The following TBC1D8 variants were observed in gnomAD, a reference collection of about 807,000 sequenced individuals.
TBC1D8 encodes the protein BUB2-like protein 1.
TBC1D8 carries 65 observed loss-of-function variants against 118.8 expected under a neutral mutation model. The observed-to-expected ratio is 0.55, with a 90% confidence interval of 0.45 to 0.67. The LOEUF (loss-of-function observed/expected upper bound fraction) is 0.67. TBC1D8 is among the 30% of genes least tolerant of loss of function. The pLI is 0.00. For missense variants in TBC1D8, 1,376 were observed against 1,471.2 expected (o/e 0.94, Z 1.06); for synonymous variants, 566 against 595.8 (o/e 0.95, Z 0.73).
chr2:101,100,983 TGAGCACA>T (rs1339898497), intron 1 of TBC1D8, among the ~76,000 whole-genome samples: 3 of 152,158 alleles, frequency 2.0e-5, no homozygotes, highest in Non-Finnish European at 2.9e-5. Context: ...GACATAGACA[TGAGCACA>T]GACTTCATGA....
Position 101,123,228 on chromosome 2 carries a change from C to T in TBC1D8, c.127+27899G>A, listed in dbSNP as rs76992621. On this transcript the variant is annotated intron_variant, in intron 1 of 19. Coordinates refer to ENST00000409318, the MANE Select transcript of TBC1D8 (RefSeq NM_001330348.2). The stretch of plus-strand genomic sequence containing the variant: ...CCAGCCTGGGCAACAGTCATCGTGA[C>T]CAGCCTGGGGAGTCTTTAGGCTTTT... 1.3e-3 allele frequency among the ~76,000 whole-genome samples: 191 copies of T among 152,226 alleles called. 1 individual carries two copies. Among genetic ancestry groups the T allele is most frequent in the African/African-American group, 4.4e-3 (184 of 41,550 alleles).
intron 1 of TBC1D8, among the ~76,000 whole-genome samples, chr2:101,103,328 A>G (rs1290419080): frequency 6.6e-6 from 1 of 151,324 alleles, no homozygotes; most frequent in African/African-American, 2.4e-5. Context: ...TTAAAAAAAA[A>G]AAAACTTGGA....
rs1194198888 is a variant in TBC1D8 at position 101,022,527 on chromosome 2, A to G, written c.2521-6T>C. 1.2e-5 allele frequency: 19 copies of G among 1,588,234 alleles called. No homozygotes were observed. The highest frequency in any genetic ancestry group is 1.6e-5 in the Non-Finnish European group (19 of 1,173,762). On this transcript the variant is annotated splice_polypyrimidine_tract_variant and splice_region_variant and intron_variant, in intron 15 of 19. Coordinates refer to ENST00000409318, the MANE Select transcript of TBC1D8 (RefSeq NM_001330348.2). ...CAGCTCATCATATGTTCTCTCTTCA[A>G]ACAAGAGGGGGAAAGGGAGTTCTTA...
intron 5 of TBC1D8, among the ~76,000 whole-genome samples, chr2:101,043,796 T>G (rs1034913368): frequency 6.6e-6 from 1 of 152,004 alleles, no homozygotes; most frequent in Admixed American, 6.6e-5. Flanking sequence ...AAAAATTAAC[T>G]GGGCATGGTG....
intron 2 of TBC1D8, among the ~76,000 whole-genome samples, chr2:101,088,462 A>C (rs1431635049): frequency 6.6e-6 from 1 of 151,762 alleles, no homozygotes; most frequent in Non-Finnish European, 1.5e-5. Flanking sequence ...TAATTTTTGT[A>C]TTTTTAGTAG....
intron 2 of TBC1D8, chr2:101,068,636 G>A: frequency 1.9e-6 from 1 of 522,398 alleles, no homozygotes; most frequent in Non-Finnish European, 3.4e-6. Context: ...GGCAGAAAAG[G>A]AACAATGGCA....
chr2:101,060,119 C>T lies in TBC1D8; in HGVS notation c.284-580G>A, dbSNP rs139898765. Reference sequence around the variant, plus strand: ...GTTACCGCTGGGACTGTTCTATGACCATCCCACCCACCCTACTAACGCAAA... The same window carrying T: ...GTTACCGCTGGGACTGTTCTATGACTATCCCACCCACCCTACTAACGCAAA... On this transcript the variant is annotated intron_variant, in intron 2 of 19. Transcript: ENST00000409318. Among the ~76,000 whole-genome samples, 260 of 152,324 alleles carry T rather than the reference C, an allele frequency of 1.7e-3. 3 individuals are homozygous for T. The highest frequency in any genetic ancestry group is 4.2e-3 in the East Asian group (22 of 5,192).
intron 1 of TBC1D8, among the ~76,000 whole-genome samples, chr2:101,096,792 A>AC (rs1553418117): frequency 2.4e-5 from 3 of 126,856 alleles, no homozygotes; most frequent in Non-Finnish European, 5.1e-5. Context: ...AGTGAGAGAG[A>AC]GGGGGAGAGA....
rs192164545 is a variant in TBC1D8 at position 101,036,677 on chromosome 2, A to G, written c.1453-509T>C. Among the ~76,000 whole-genome samples the G allele has an allele frequency of 2.9e-3, 437 of 152,344 alleles. 6 individuals are homozygous for G. The highest frequency in any genetic ancestry group is 0.01 in the African/African-American group (419 of 41,574). ...AAAACTGCATTGTTCTCATTAACAG[A>G]AATGAGAAAGATACCATTTCTCTAG... On this transcript the variant is annotated intron_variant, in intron 8 of 19. Coordinates refer to ENST00000409318, the MANE Select transcript of TBC1D8 (RefSeq NM_001330348.2).
intron 1 of TBC1D8, among the ~76,000 whole-genome samples, chr2:101,101,358 C>T (rs370356842): frequency 5.3e-5 from 8 of 152,116 alleles, no homozygotes; most frequent in Admixed American, 2.0e-4. Context: ...TACCATCTCA[C>T]GCCAGTCAGA....
intron 19 of TBC1D8, among the ~76,000 whole-genome samples, chr2:101,009,708 A>T (rs1274612257): frequency 2.6e-5 from 4 of 152,200 alleles, no homozygotes; most frequent in Non-Finnish European, 4.4e-5. Flanking sequence ...CTAATCCCAC[A>T]AGATGTTTTG....
chr2:101,033,439 A>G, intron 10 of TBC1D8, 105 bp downstream of exon 10: 1 of 1,403,656 alleles, frequency 7.1e-7, no homozygotes, highest in Non-Finnish European at 1.0e-6. Flanking sequence ...CCTTCACACG[A>G]CAACACTCAG....
chr2:101,090,196 GA>G lies in TBC1D8; in HGVS notation c.283+12del, dbSNP rs1675933621. On this transcript the variant is annotated intron_variant, in intron 2 of 19. Coordinates refer to ENST00000409318, the MANE Select transcript of TBC1D8 (RefSeq NM_001330348.2). ...CTTAAGGTTTGGAACATTCCAACTG[GA>G]ACAAAACTCACCAGTGGCTATGGCC... The G allele has an allele frequency of 1.2e-6, 2 of 1,608,350 alleles. No homozygotes were observed. The highest frequency in any genetic ancestry group is 1.7e-6 in the Non-Finnish European group (2 of 1,177,230).
At chr2:101,022,880 C>T (rs760161982) in intron 15 of TBC1D8, among the ~76,000 whole-genome samples, 5 of 152,072 alleles carry the variant, frequency 3.3e-5, no homozygotes, top group African/African-American at 2.4e-5. Context: ...TGGTGGCTCA[C>T]GCCTGTAATC....
At position 101,010,989 on chromosome 2, in the gene TBC1D8, C is replaced by A; in HGVS notation, c.2955G>T (p.Met985Ile). The A allele has an allele frequency of 6.2e-7, 1 of 1,612,966 alleles. No homozygotes were observed. Among genetic ancestry groups the A allele is most frequent in the Non-Finnish European group, 8.5e-7 (1 of 1,179,844 alleles). The change falls in exon 19 of 20, where the codon ATG becomes ATT. Residue 985 changes from methionine (M) to isoleucine (I), a missense_variant. Coordinates refer to ENST00000409318, the MANE Select transcript of TBC1D8 (RefSeq NM_001330348.2). ...CTTTTTCTTTGGCTAAATCCTTAAT[C>A]ATCTGCTTCAGCTGTTTCTGATAAT... is the stretch of plus-strand genomic sequence containing the variant. The part of the protein sequence containing the change: ...AVDYQKQLKQ[M>I]IKDLAKEKDK...
intron 2 of TBC1D8, among the ~76,000 whole-genome samples, chr2:101,089,147 C>G (rs1193475995): frequency 2.0e-5 from 3 of 152,110 alleles, no homozygotes; most frequent in Non-Finnish European, 4.4e-5. Context: ...GCCAGGAGTT[C>G]AAGACCACCA....
At chr2:101,135,909 T>C (rs1415211719) in intron 1 of TBC1D8, among the ~76,000 whole-genome samples, 1 of 152,150 alleles carries the variant, frequency 6.6e-6, no homozygotes, top group East Asian at 1.9e-4. Context: ...TTGAGAAGGA[T>C]CTTACTGTCA....
rs557409188 is a variant in TBC1D8 at position 101,116,872 on chromosome 2, T to C, written c.128-26508A>G. On this transcript the variant is annotated intron_variant, in intron 1 of 19. Coordinates refer to ENST00000409318, the MANE Select transcript of TBC1D8 (RefSeq NM_001330348.2). ...GGCTAGGCTGGTCTCGAACTCCTGGTCTCAAGTGATCTGCCGCCTCAGCCT... is the reference window on the plus strand; with the variant it reads ...GGCTAGGCTGGTCTCGAACTCCTGGCCTCAAGTGATCTGCCGCCTCAGCCT... Among the ~76,000 whole-genome samples, 7 of 152,094 alleles carry C rather than the reference T, an allele frequency of 4.6e-5. 1 individual carries two copies. The East Asian group carries it at 1.4e-3, about 30-fold the overall frequency.
Position 101,033,525 on chromosome 2 carries a change from C to T in TBC1D8, c.1818+19G>A, listed in dbSNP as rs767433936. 1 of 1,613,742 alleles carries T rather than the reference C, an allele frequency of 6.2e-7. No individual in the cohort carries two copies. The highest frequency in any genetic ancestry group is 8.5e-7 in the Non-Finnish European group (1 of 1,179,790). ...CACCAACTAAAGACTCTCTGCGCCCCAGAGCACACCCCTTTCACCTGGCAG... is the reference window on the plus strand; with the variant it reads ...CACCAACTAAAGACTCTCTGCGCCCTAGAGCACACCCCTTTCACCTGGCAG... On this transcript the variant is annotated intron_variant, in intron 10 of 19. Transcript: ENST00000409318.
Sources: allele counts gnomAD v4.1 joint callset (sites outside exome capture counted in the v4.1 genomes callset), GRCh38; gene constraint gnomAD v4.1.1; transcripts MANE v1.5; gene names NCBI Gene and HGNC (gene_info 2026-07-23, HGNC 2026-07-21).